Variants in BAIAP2L1 observed in about 807,000 individuals in gnomAD.
The protein encoded by BAIAP2L1 is BAR/IMD domain-containing adapter protein 2-like 1.
Under a neutral mutation model 66.3 loss-of-function variants are expected in BAIAP2L1, and 35 were observed. The observed-to-expected ratio is 0.53, with a 90% CI of 0.40 to 0.70. The LOEUF is 0.70. BAIAP2L1 is among the 30% of genes least tolerant of loss of function. BAIAP2L1 has a pLI of 0.00. For synonymous variants in BAIAP2L1, 269 were observed against 248.7 expected, an observed-to-expected ratio of 1.08 and a Z score of -0.77; for missense variants, 622 against 656.9, an observed-to-expected ratio of 0.95 and a Z score of 0.58.
At chr7:98,346,238 A>T (rs1801871036) in intron 3 of BAIAP2L1, among the ~76,000 whole-genome samples, 1 of 152,242 alleles carries the variant, frequency 6.6e-6, no homozygotes, top group Admixed American at 6.5e-5. Context: ...AATTCAATGG[A>T]ACCAGCAGTT....
chr7:98,386,739 C>T (rs373601759), intron 1 of BAIAP2L1, among the ~76,000 whole-genome samples: 21 of 121,378 alleles, frequency 1.7e-4, no homozygotes, highest in Non-Finnish European at 6.4e-5. Context: ...CTCGCTCTGT[C>T]GCCAGGCTGG....
Position 98,400,968 on chromosome 7 carries a change from C to G in BAIAP2L1, c.-116G>C. 1.0e-6 allele frequency: 1 copy of G among 955,544 alleles called. No homozygotes were observed. Among genetic ancestry groups the G allele is most frequent in the Non-Finnish European group, 1.4e-6 (1 of 717,596 alleles). The allele number at this position is 955,544 out of a possible 1,614,324, so 59.2% of individuals were successfully genotyped here. The stretch of plus-strand genomic sequence containing the variant: ...TAAGGGGCTCTGGAGGGTCGGCCGC[C>G]GCCGCAGCCGTCGGCCCGAGAGTGC... On this transcript the variant is annotated 5_prime_UTR_variant, in exon 1 of 14. Coordinates refer to ENST00000005260, the MANE Select transcript of BAIAP2L1 (RefSeq NM_018842.5).
chr7:98,319,251 C>A (rs778571638), intron 5 of BAIAP2L1, among the ~76,000 whole-genome samples: 2 of 152,088 alleles, frequency 1.3e-5, no homozygotes, highest in African/African-American at 4.8e-5. Flanking sequence ...CCCTCAATAC[C>A]GGGTCTGTAG....
intron 3 of BAIAP2L1, 131 bp from the exon 4 acceptor site, chr7:98,320,429 G>T: frequency 1.5e-6 from 1 of 654,246 alleles, no homozygotes; most frequent in Non-Finnish European, 2.7e-6. Context: ...TCCGCCTCCC[G>T]GGTTCAAACT....
At chr7:98,395,436 C>CA (rs36036652) in intron 1 of BAIAP2L1, among the ~76,000 whole-genome samples, 65,255 of 120,896 alleles carry the variant, frequency 0.54, 17,146 homozygotes, top group Middle Eastern at 0.71. Flanking sequence ...AAGACTGTCT[C>CA]AAAAAAAAAA....
At chr7:98,338,792 G>C (rs1801670306) in intron 3 of BAIAP2L1, among the ~76,000 whole-genome samples, 1 of 152,088 alleles carries the variant, frequency 6.6e-6, no homozygotes, top group South Asian at 2.1e-4. Context: ...ACTATGTGTG[G>C]GTCAGGTGTG....
At chr7:98,308,374 C>A (rs1800744197) in intron 9 of BAIAP2L1, 1 of 436,588 alleles carries the variant, frequency 2.3e-6, no homozygotes, top group East Asian at 7.0e-5. Flanking sequence ...CAGCTTCTCA[C>A]CCCCAGGCCT....
intron 5 of BAIAP2L1, among the ~76,000 whole-genome samples, chr7:98,318,559 G>A (rs1009661873): frequency 5.9e-5 from 9 of 151,924 alleles, no homozygotes; most frequent in East Asian, 2.0e-4. Context: ...GATTACAGGC[G>A]TGAGCCACCA....
At chr7:98,380,043 G>T (rs1802719384) in intron 1 of BAIAP2L1, among the ~76,000 whole-genome samples, 1 of 150,806 alleles carries the variant, frequency 6.6e-6, no homozygotes, top group African/African-American at 2.4e-5. Flanking sequence ...TAAAATGCGT[G>T]AATTTTATAA....
chr7:98,370,509 T>C (rs1433412575), intron 1 of BAIAP2L1, among the ~76,000 whole-genome samples: 1 of 152,092 alleles, frequency 6.6e-6, no homozygotes, highest in Non-Finnish European at 1.5e-5. Context: ...CCCAGAAATT[T>C]TGGCTTTTTT....
chr7:98,362,509 GC>G, intron 1 of BAIAP2L1, 77 bp from the exon 2 acceptor site: 1 of 1,232,136 alleles, frequency 8.1e-7, no homozygotes, highest in Non-Finnish European at 1.2e-6. Context: ...TCACTGTGTG[GC>G]CCAGGATAGC....
chr7:98,351,430 G>A (rs1239889430), intron 3 of BAIAP2L1, among the ~76,000 whole-genome samples: 2 of 152,136 alleles, frequency 1.3e-5, no homozygotes, highest in Non-Finnish European at 2.9e-5. Context: ...CTCATGCCTG[G>A]GGAGCTTTGC....
chr7:98,349,863 C>G (rs1362262233), intron 3 of BAIAP2L1, among the ~76,000 whole-genome samples: 1 of 152,060 alleles, frequency 6.6e-6, no homozygotes, highest in Non-Finnish European at 1.5e-5. Flanking sequence ...TCGAGACCAG[C>G]CTGACCAACA....
intron 12 of BAIAP2L1, 114 bp downstream of exon 12, chr7:98,304,082 C>G: frequency 8.7e-7 from 1 of 1,145,766 alleles, no homozygotes; most frequent in Non-Finnish European, 1.2e-6. Context: ...TCCCCGGGGA[C>G]ACCACTCTCC....
At chr7:98,367,213 G>C (rs1802406121) in intron 1 of BAIAP2L1, among the ~76,000 whole-genome samples, 1 of 152,152 alleles carries the variant, frequency 6.6e-6, no homozygotes, top group Admixed American at 6.6e-5. Flanking sequence ...AATACACAGA[G>C]TTCCCAGGTA....
At chr7:98,310,307 C>A in intron 9 of BAIAP2L1, 138 bp downstream of exon 9, 4 of 906,660 alleles carry the variant, frequency 4.4e-6, no homozygotes, top group Admixed American at 3.4e-5. Flanking sequence ...CTCTGCAAAG[C>A]CAGGGCTGAA....
Position 98,294,127 on chromosome 7 carries a change from A to G in BAIAP2L1, c.1423-16T>C. On this transcript the variant is annotated splice_polypyrimidine_tract_variant and intron_variant, in intron 12 of 13. Coordinates refer to ENST00000005260, the MANE Select transcript of BAIAP2L1 (RefSeq NM_018842.5). ...TGGCATCGTTCTGTGAGAAAGATAAAGAAGTTTATGGAGGGCTTAGAATTG... is the reference window on the plus strand; with the variant it reads ...TGGCATCGTTCTGTGAGAAAGATAAGGAAGTTTATGGAGGGCTTAGAATTG... 3 of 1,612,814 alleles carry G rather than the reference A, an allele frequency of 1.9e-6. No homozygotes were observed. The highest frequency in any genetic ancestry group is 2.5e-6 in the Non-Finnish European group (3 of 1,178,820).
intron 1 of BAIAP2L1, among the ~76,000 whole-genome samples, chr7:98,370,129 C>T (rs1802477665): frequency 6.6e-6 from 1 of 151,948 alleles, no homozygotes; most frequent in South Asian, 2.1e-4. Context: ...TCAACTAAGA[C>T]TTGAGACTAG....
Position 98,315,622 on chromosome 7 carries a change from A to ATAATAATAATAAT in BAIAP2L1, c.487-11_487-10insATTATTATTATTA. 5 of 1,072,928 alleles carry ATAATAATAATAAT rather than the reference A, an allele frequency of 4.7e-6. No homozygotes were observed. The highest frequency in any genetic ancestry group is 6.0e-6 in the Non-Finnish European group (5 of 834,540). 66.5% of individuals were successfully genotyped at this position (1,072,928 alleles called of 1,614,324 possible). A position where few individuals can be genotyped will look rare whatever the true frequency, so the allele number is the denominator to read the frequency against. On this transcript the variant is annotated splice_polypyrimidine_tract_variant and intron_variant, in intron 6 of 13. Coordinates refer to ENST00000005260, the MANE Select transcript of BAIAP2L1 (RefSeq NM_018842.5). ...TAACGGTCTCCACATACTAAAAAAA[A>ATAATAATAATAAT]AAAAATAATAATAATAATAATTATA... is the stretch of plus-strand genomic sequence containing the variant.
Sources: allele counts gnomAD v4.1 joint callset (sites outside exome capture counted in the v4.1 genomes callset), GRCh38; gene constraint gnomAD v4.1.1; transcripts MANE v1.5; gene names NCBI Gene and HGNC (gene_info 2026-07-23, HGNC 2026-07-21).